The following GALNT9 variants were observed in gnomAD, a reference collection of about 807,000 sequenced individuals.
GALNT9 encodes polypeptide N-acetylgalactosaminyltransferase 9, also known as GalNAc transferase 9.
A neutral mutation model predicts 63.1 loss-of-function variants in GALNT9; 47 were observed. That is an observed-to-expected ratio of 0.75 (90% confidence interval 0.59 to 0.95). The LOEUF (loss-of-function observed/expected upper bound fraction) is 0.95, where lower values mean the gene tolerates loss of function less well. Among genes scored for constraint, GALNT9 ranks in the 40% least tolerant of loss-of-function variants. The pLI is 0.00. For missense variants in GALNT9, 829 were observed against 874.8 expected (o/e 0.95, Z 0.66); for synonymous variants, 396 against 365.7 (o/e 1.08, Z -0.94).
At chr12:132,203,286 T>A (rs546566884) in intron 7 of GALNT9, among the ~76,000 whole-genome samples, 1 of 152,108 alleles carries the variant, frequency 6.6e-6, no homozygotes, top group African/African-American at 2.4e-5. Context: ...GGGGTGGGTG[T>A]GAGCTGGTCT....
At chr12:132,259,152 C>T (rs548870267) in intron 4 of GALNT9, among the ~76,000 whole-genome samples, 8 of 152,348 alleles carry the variant, frequency 5.3e-5, no homozygotes, top group Non-Finnish European at 1.2e-4. Context: ...GCCAGGTCTT[C>T]TAATAAGGCA....
rs1021678757 is a variant in GALNT9, at chr12:132,272,417, G to A, written c.420-9792C>T. 1.4e-4 allele frequency among the ~76,000 whole-genome samples: 22 copies of A among 152,352 alleles called. No homozygotes were observed. The South Asian group carries it at 2.3e-3, about 16-fold the overall frequency. ...CAGCGCCACCACCCTACTGCCGGGC[G>A]CTTAAATTAGTTCCCGGCTTCCCGT... On this transcript the variant is annotated intron_variant, in intron 2 of 10. Coordinates refer to ENST00000328957, the MANE Select transcript of GALNT9 (RefSeq NM_001122636.2).
At chr12:132,306,769 C>T (rs897654964) in intron 1 of GALNT9, among the ~76,000 whole-genome samples, 13 of 152,330 alleles carry the variant, frequency 8.5e-5, no homozygotes, top group Non-Finnish European at 1.5e-4. Flanking sequence ...GCTCCCTCCC[C>T]GCCATTCATC....
chr12:132,281,591 C>G (rs748451612), intron 2 of GALNT9, among the ~76,000 whole-genome samples: 10 of 152,190 alleles, frequency 6.6e-5, no homozygotes, highest in Non-Finnish European at 1.0e-4. Flanking sequence ...GGGTATAGAG[C>G]AAATGCCGGC....
At chr12:132,199,831 G>C (rs184120136) in intron 8 of GALNT9, among the ~76,000 whole-genome samples, 1 of 145,636 alleles carries the variant, frequency 6.9e-6, no homozygotes, top group Non-Finnish European at 1.5e-5. Context: ...AGCACTGCCT[G>C]GGTGGCCCCG....
chr12:132,209,457 G>C (rs139394828), intron 6 of GALNT9, among the ~76,000 whole-genome samples: 1 of 152,318 alleles, frequency 6.6e-6, no homozygotes, highest in African/African-American at 2.4e-5. Flanking sequence ...GGCTGAGGCA[G>C]GAGAATTGCT....
At chr12:132,215,681 G>T (rs1877153308) in intron 6 of GALNT9, among the ~76,000 whole-genome samples, 1 of 152,222 alleles carries the variant, frequency 6.6e-6, no homozygotes, top group East Asian at 1.9e-4. Context: ...CCAGCACCCG[G>T]GTCCCACGAG....
intron 1 of GALNT9, among the ~76,000 whole-genome samples, chr12:132,304,341 C>A: frequency 8.3e-6 from 1 of 120,140 alleles, no homozygotes; most frequent in East Asian, 2.9e-4. Flanking sequence ...ACACCCTCGC[C>A]TGGGCACACC....
At chr12:132,203,377 C>T in intron 7 of GALNT9, 128 bp downstream of exon 7, 1 of 760,646 alleles carries the variant, frequency 1.3e-6, no homozygotes, top group Non-Finnish European at 2.1e-6. Flanking sequence ...TGCACCTGTG[C>T]ACACCTGTCA....
At chr12:132,318,096 G>C (rs562562952) in intron 1 of GALNT9, among the ~76,000 whole-genome samples, 6 of 152,172 alleles carry the variant, frequency 3.9e-5, no homozygotes, top group Non-Finnish European at 7.3e-5. Context: ...ACAAAAATTA[G>C]CCGGGCATGG....
At chr12:132,306,887 C>G (rs552385272) in intron 1 of GALNT9, among the ~76,000 whole-genome samples, 35 of 152,096 alleles carry the variant, frequency 2.3e-4, no homozygotes, top group Non-Finnish European at 4.9e-4. Context: ...TCCCATGACC[C>G]GAGGGAGCGC....
In GALNT9 at chr12:132,282,429, G is replaced by A. The variant is rs1555241769; in HGVS notation, c.419+3821C>T. ...CGTGTGTGCGTGTGTGTGCGTGTGT[G>A]CGTGCATGCGTGTGTGTGCGTGTGC... On this transcript the variant is annotated intron_variant, in intron 2 of 10. Transcript: ENST00000328957. The surrounding 1 kb of genome is among the most constrained non-coding windows in gnomAD (Gnocchi z 4.5). Among the ~76,000 whole-genome samples the A allele has an allele frequency of 2.0e-5, 3 of 152,116 alleles. No homozygotes were observed. The highest frequency in any genetic ancestry group is 7.2e-5 in the African/African-American group (3 of 41,418).
At chr12:132,294,052 T>C (rs1363528070) in intron 1 of GALNT9, among the ~76,000 whole-genome samples, 1 of 151,980 alleles carries the variant, frequency 6.6e-6, no homozygotes, top group African/African-American at 2.4e-5. Flanking sequence ...TTTTAGGGAG[T>C]AGGAACATTT....
intron 2 of GALNT9, among the ~76,000 whole-genome samples, chr12:132,276,978 G>T (rs2135554713): frequency 6.6e-6 from 1 of 152,068 alleles, no homozygotes; most frequent in South Asian, 2.1e-4. Context: ...CACACACACA[G>T]ATACATGCAC....
At chr12:132,292,710 G>A (rs78409149) in intron 1 of GALNT9, among the ~76,000 whole-genome samples, 10,718 of 152,314 alleles carry the variant, frequency 0.07, 457 homozygotes, top group South Asian at 0.17. Flanking sequence ...CAGCAGGGCG[G>A]GGCGTGCGAA....
chr12:132,298,522 C>A (rs1236886776), intron 1 of GALNT9, among the ~76,000 whole-genome samples: 1 of 151,828 alleles, frequency 6.6e-6, no homozygotes. Context: ...CTAACCCACT[C>A]CCACCACACC....
At chr12:132,268,349 G>A (rs906921672) in intron 2 of GALNT9, among the ~76,000 whole-genome samples, 1 of 152,086 alleles carries the variant, frequency 6.6e-6, no homozygotes, top group Admixed American at 6.5e-5. Context: ...TCTTATTCTG[G>A]ATAAATGAAT....
At chr12:132,207,194 C>A (rs1171348790) in intron 6 of GALNT9, among the ~76,000 whole-genome samples, 1 of 152,226 alleles carries the variant, frequency 6.6e-6, no homozygotes, top group African/African-American at 2.4e-5. Flanking sequence ...GCTCACACCC[C>A]TCAGTATGGC....
intron 1 of GALNT9, among the ~76,000 whole-genome samples, chr12:132,299,159 A>C (rs1555243581): frequency 7.5e-6 from 1 of 133,526 alleles, no homozygotes. Context: ...CACCCCCAAC[A>C]CACCTAACCC....
Sources: gnomAD v4.1 joint callset for allele counts (sites outside exome capture counted in the v4.1 genomes callset) on GRCh38, gnomAD v4.1.1 for gene constraint, Gnocchi (gnomAD v3.1) non-coding constraint, MANE v1.5 for transcripts, NCBI Gene and HGNC (gene_info 2026-07-23, HGNC 2026-07-21) for gene names.